Variants in NTSR2 observed in about 807,000 individuals in gnomAD.
The protein encoded by NTSR2 is neurotensin receptor type 2.
In NTSR2, 22 loss-of-function variants were observed where a neutral mutation model predicts 24.1. That is an observed-to-expected ratio of 0.91 (90% CI 0.65 to 1.30). NTSR2 has a LOEUF of 1.30. Ranked by LOEUF, NTSR2 falls within the 50% of genes most tolerant of loss-of-function variation. The pLI is 0.00. For missense variants in NTSR2, 570 were observed against 570.4 expected (o/e 1.00, Z 0.01); for synonymous variants, 291 against 267.0 (o/e 1.09, Z -0.88).
At chr2:11,661,274 A>G (rs6432224) in intron 2 of NTSR2, among the ~76,000 whole-genome samples, 5,943 of 152,286 alleles carry the variant, frequency 0.039, 390 homozygotes, top group African/African-American at 0.14. Flanking sequence ...ATGGACATCA[A>G]CTTTTTCAAT....
intron 1 of NTSR2, among the ~76,000 whole-genome samples, chr2:11,668,707 C>T (rs891967223): frequency 2.0e-5 from 3 of 152,174 alleles, no homozygotes; most frequent in Non-Finnish European, 4.4e-5. Flanking sequence ...CTAGAGCAAG[C>T]GACCAGAGGA....
At position 11,669,910 on chromosome 2, in the gene NTSR2, T is replaced by C; in HGVS notation, c.220A>G (p.Ser74Gly). Residue 74 changes from serine (S) to glycine (G), a missense_variant, in exon 1 of 4, where the codon AGC becomes GGC. Transcript: ENST00000306928. ...RAGRLRHHVL[S>G]LALAGLLLLL... ...AGCAGCAGGCCCGCGAGCGCCAGGC[T>C]GAGCACGTGGTGGCGCAGGCGCCCC... is the stretch of plus-strand genomic sequence containing the variant. 6.4e-7 allele frequency: 1 copy of C among 1,560,694 alleles called. No individual in the cohort carries two copies. Among genetic ancestry groups the C allele is most frequent in the Non-Finnish European group, 8.6e-7 (1 of 1,159,578 alleles).
Position 11,662,503 on chromosome 2 carries a change from C to T in NTSR2, c.625-263G>A, listed in dbSNP as rs181145290. Among the ~76,000 whole-genome samples, 55 of 152,216 alleles carry T rather than the reference C, an allele frequency of 3.6e-4. 1 individual carries two copies. Among genetic ancestry groups the T allele is most frequent in the African/African-American group, 4.8e-4 (20 of 41,536 alleles). On this transcript the variant is annotated intron_variant, in intron 1 of 3. Coordinates refer to ENST00000306928, the MANE Select transcript of NTSR2 (RefSeq NM_012344.4). ...ATTTTATTTAAAAATGCATTCAAGC[C>T]GGGCACGGTGACTCACGCCTGTAAT...
Position 11,669,886 on chromosome 2 carries a change from G to C in NTSR2, c.244C>G (p.Leu82Val). 1 of 1,582,138 alleles carries C rather than the reference G, an allele frequency of 6.3e-7. No individual in the cohort carries two copies. The highest frequency in any genetic ancestry group is 1.3e-5 in the African/African-American group (1 of 74,078). Residue 82 changes from leucine (L) to valine (V), a missense_variant, in exon 1 of 4, where the codon CTG (leucine) becomes GTG (valine). Coordinates refer to ENST00000306928, the MANE Select transcript of NTSR2 (RefSeq NM_012344.4). ...VLSLALAGLLLLLVGVPVELY... is the reference protein window; with the variant it reads ...VLSLALAGLLVLLVGVPVELY... ...TCCACCGGCACGCCGACCAGCAGCA[G>C]CAGCAGGCCCGCGAGCGCCAGGCTG...
intron 3 of NTSR2, among the ~76,000 whole-genome samples, chr2:11,659,232 C>T (rs1176692866): frequency 6.6e-6 from 1 of 152,226 alleles, no homozygotes; most frequent in East Asian, 1.9e-4. Flanking sequence ...ATCTGCCATC[C>T]CTGGCTGTGG....
intron 1 of NTSR2, among the ~76,000 whole-genome samples, chr2:11,664,791 A>C (rs1661158814): frequency 6.6e-6 from 1 of 152,346 alleles, no homozygotes; most frequent in East Asian, 1.9e-4. Flanking sequence ...GACCAAAAAA[A>C]CACTGGTTAA....
At chr2:11,668,203 A>G (rs1308220887) in intron 1 of NTSR2, among the ~76,000 whole-genome samples, 1 of 152,240 alleles carries the variant, frequency 6.6e-6, no homozygotes, top group Admixed American at 6.5e-5. Context: ...TCTCTTGGTC[A>G]TGAATGAAAA....
At chr2:11,668,448 CGCTTAGGAGACT>C (rs934864602) in intron 1 of NTSR2, among the ~76,000 whole-genome samples, 1 of 152,156 alleles carries the variant, frequency 6.6e-6, no homozygotes, top group Non-Finnish European at 1.5e-5. Flanking sequence ...ACTAAGAAGC[CGCTTAGGAGACT>C]GCTTAGGACG....
At chr2:11,660,713 C>G (rs1476521829) in intron 2 of NTSR2, among the ~76,000 whole-genome samples, 1 of 152,088 alleles carries the variant, frequency 6.6e-6, no homozygotes, top group Non-Finnish European at 1.5e-5. Context: ...TGCACTCCAG[C>G]CTGGGTGACA....
At chr2:11,668,733 C>T (rs1033240510) in intron 1 of NTSR2, among the ~76,000 whole-genome samples, 3 of 152,162 alleles carry the variant, frequency 2.0e-5, no homozygotes, top group Non-Finnish European at 4.4e-5. Flanking sequence ...GCTTGTAGAA[C>T]GATGCGGAAA....
intron 1 of NTSR2, among the ~76,000 whole-genome samples, chr2:11,665,177 G>A (rs982035362): frequency 6.6e-6 from 1 of 150,466 alleles, no homozygotes; most frequent in African/African-American, 2.5e-5. Flanking sequence ...GTGGAAATAC[G>A]GTTCATTGTC....
chr2:11,664,077 G>A (rs985377995), intron 1 of NTSR2, among the ~76,000 whole-genome samples: 3 of 150,722 alleles, frequency 2.0e-5, no homozygotes, highest in Admixed American at 6.6e-5. Context: ...CCCCTCATCA[G>A]TTCTAAGGCT....
chr2:11,665,080 TTTTC>T (rs1387912135), intron 1 of NTSR2, among the ~76,000 whole-genome samples: 5 of 142,866 alleles, frequency 3.5e-5, no homozygotes, highest in African/African-American at 1.4e-4. Context: ...TTTTTTTTTT[TTTTC>T]CAAGCTTGTC....
chr2:11,664,843 A>G (rs1413462814), intron 1 of NTSR2, among the ~76,000 whole-genome samples: 1 of 152,190 alleles, frequency 6.6e-6, no homozygotes, highest in East Asian at 1.9e-4. Context: ...ATTAGAATCA[A>G]AATAATCCTA....
At chr2:11,659,043 C>T (rs771628693) in intron 3 of NTSR2, among the ~76,000 whole-genome samples, 1 of 152,046 alleles carries the variant, frequency 6.6e-6, no homozygotes, top group Non-Finnish European at 1.5e-5. Context: ...AGTAGAGACG[C>T]GGTTTCACCA....
At position 11,670,042 on chromosome 2, in the gene NTSR2, A is replaced by G. The variant is rs575673335; in HGVS notation, c.88T>C (p.Trp30Arg). ...AGCGCGGTGAACAGCACCTTGGCCC[A>G]GAGGCGAGTGTCCACGCCCAGCCGG... is the stretch of plus-strand genomic sequence containing the variant. ...DARLGVDTRL[W>R]AKVLFTALYA... is the part of the protein sequence containing the mutation. The change falls in exon 1 of 4, where the codon TGG becomes CGG. Residue 30 changes from tryptophan to arginine, a missense_variant. Coordinates refer to ENST00000306928, the MANE Select transcript of NTSR2 (RefSeq NM_012344.4). 1.3e-6 allele frequency: 2 copies of G among 1,500,758 alleles called. No individual in the cohort carries two copies. The highest frequency in any genetic ancestry group is 8.8e-7 in the Non-Finnish European group (1 of 1,131,944). 93.0% of individuals were successfully genotyped at this position (1,500,758 alleles called of 1,614,324 possible). A position where few individuals can be genotyped will look rare whatever the true frequency, so the allele number is the denominator to read the frequency against.
intron 1 of NTSR2, among the ~76,000 whole-genome samples, chr2:11,667,781 C>T (rs1034344035): frequency 6.6e-6 from 1 of 152,242 alleles, no homozygotes; most frequent in South Asian, 2.1e-4. Context: ...TCCACATCCA[C>T]GGGAGACCTG....
At chr2:11,666,846 G>A (rs1278313962) in intron 1 of NTSR2, among the ~76,000 whole-genome samples, 1 of 152,178 alleles carries the variant, frequency 6.6e-6, no homozygotes, top group African/African-American at 2.4e-5. Flanking sequence ...AGAGAGAGAA[G>A]ACGGGACAGG....
chr2:11,658,589 A>T lies in NTSR2; in HGVS notation c.1123T>A (p.Ser375Thr). The T allele has an allele frequency of 6.2e-7, 1 of 1,614,114 alleles. No individual in the cohort carries two copies. Residue 375 changes from serine (S) to threonine (T), a missense_variant, in exon 4 of 4, where the codon TCC becomes ACC. By Grantham distance (58) the Ser-to-Thr change is moderately conservative. Coordinates refer to ENST00000306928, the MANE Select transcript of NTSR2 (RefSeq NM_012344.4). ...ATGGGGTGGTGCTCTCCACACAGGG[A>T]GCTGACGGCTTCCAGGAAGAGTTTT... The part of the protein sequence containing the change: ...FRKLFLEAVS[S>T]LCGEHHPMKR...
Sources: allele counts gnomAD v4.1 joint callset (sites outside exome capture counted in the v4.1 genomes callset), GRCh38; gene constraint gnomAD v4.1.1; transcripts MANE v1.5; gene names NCBI Gene and HGNC (gene_info 2026-07-23, HGNC 2026-07-21).